Variants in MTHFS observed in about 807,000 individuals in gnomAD.
MTHFS encodes the protein 5-formyltetrahydrofolate cyclo-ligase.
MTHFS carries 7 observed loss-of-function variants against 12.7 expected under a neutral mutation model. The observed-to-expected ratio is 0.55, with a 90% CI of 0.31 to 1.03. MTHFS has a LOEUF of 1.03. MTHFS is among the 50% of genes least tolerant of loss of function. The pLI, the probability that MTHFS is intolerant of heterozygous loss-of-function variation, is 0.05. For synonymous variants in MTHFS, 100 were observed against 97.1 expected, an observed-to-expected ratio of 1.03 and a Z score of -0.18; for missense variants, 252 against 258.1, an observed-to-expected ratio of 0.98 and a Z score of 0.16.
In MTHFS at chr15:79,856,640, G is replaced by A. The variant is rs563610747; in HGVS notation, c.380-11198C>T. On this transcript the variant is annotated intron_variant, in intron 2 of 2. Transcript: ENST00000258874. ...GGGGGAAAGAAGAACTGTTTAATGG[G>A]TATAGATTTTCAGATATGCAATATG... Among the ~76,000 whole-genome samples the A allele has an allele frequency of 5.3e-5, 8 of 152,266 alleles. No individual in the cohort carries two copies. The South Asian group carries it at 1.7e-3, about 32-fold the overall frequency.
intron 2 of MTHFS, among the ~76,000 whole-genome samples, chr15:79,855,979 T>C (rs896331438): frequency 6.6e-6 from 1 of 152,232 alleles, no homozygotes; most frequent in African/African-American, 2.4e-5. Context: ...AATGAACATA[T>C]GTGAGTATGT....
chr15:79,868,820 G>C lies in MTHFS; in HGVS notation c.379+20273C>G, dbSNP rs957125483. On this transcript the variant is annotated intron_variant, in intron 2 of 2. Transcript: ENST00000258874. Reference sequence around the variant, plus strand: ...CAGACAGCAGACTTTGAGACTTCTAGGCCTCCACAATCACATGAGCAAATT... The same window carrying C: ...CAGACAGCAGACTTTGAGACTTCTACGCCTCCACAATCACATGAGCAAATT... Among the ~76,000 whole-genome samples, 15 of 152,292 alleles carry C rather than the reference G, an allele frequency of 9.8e-5. 1 individual carries two copies. The highest frequency in any genetic ancestry group is 1.9e-4 in the African/African-American group (8 of 41,572).
intron 2 of MTHFS, among the ~76,000 whole-genome samples, chr15:79,881,425 T>A (rs1321269207): frequency 6.6e-6 from 1 of 152,148 alleles, no homozygotes; most frequent in Admixed American, 6.5e-5. Context: ...GAGGATATAT[T>A]CTAAAGCCGC....
intron 1 of MTHFS, among the ~76,000 whole-genome samples, chr15:79,896,404 G>A (rs1158394760): frequency 6.6e-6 from 1 of 152,044 alleles, no homozygotes; most frequent in Admixed American, 6.5e-5. Flanking sequence ...TCTTTCTCTG[G>A]CCATTTTACT....
chr15:79,879,926 C>G (rs566456543), intron 2 of MTHFS, among the ~76,000 whole-genome samples: 1 of 152,278 alleles, frequency 6.6e-6, no homozygotes, highest in South Asian at 2.1e-4. Flanking sequence ...CCAAAGAACA[C>G]TTAAATTTTT....
chr15:79,846,540 C>A (rs527893248), intron 2 of MTHFS, among the ~76,000 whole-genome samples: 9 of 152,322 alleles, frequency 5.9e-5, no homozygotes, highest in Non-Finnish European at 1.3e-4. Context: ...ATTCTGACTA[C>A]CTGCAGAACT....
chr15:79,874,567 CT>C (rs1174088919), intron 2 of MTHFS, among the ~76,000 whole-genome samples: 2 of 152,120 alleles, frequency 1.3e-5, no homozygotes, highest in African/African-American at 4.8e-5. Context: ...AGCCCTAGCC[CT>C]AGGACATTTA....
chr15:79,881,350 A>C (rs2034291604), intron 2 of MTHFS, among the ~76,000 whole-genome samples: 1 of 152,216 alleles, frequency 6.6e-6, no homozygotes. Context: ...ATAACCCCTA[A>C]GGAACTGTCT....
intron 2 of MTHFS, among the ~76,000 whole-genome samples, chr15:79,872,103 CAAAAAAAAAAA>C (rs58835744): frequency 3.1e-4 from 21 of 66,772 alleles, no homozygotes; most frequent in African/African-American, 1.3e-3. Context: ...GACTCCGTCT[CAAAAAAAAAAA>C]AAAAAAAAAA....
intron 1 of MTHFS, among the ~76,000 whole-genome samples, chr15:79,893,758 A>G (rs2034517220): frequency 6.6e-6 from 1 of 151,918 alleles, no homozygotes; most frequent in African/African-American, 2.4e-5. Flanking sequence ...ACATAAATAT[A>G]ACAATATAAA....
intron 2 of MTHFS, among the ~76,000 whole-genome samples, chr15:79,882,224 T>C (rs1251813329): frequency 6.6e-6 from 1 of 152,212 alleles, no homozygotes; most frequent in Non-Finnish European, 1.5e-5. Context: ...CCATGTAGGA[T>C]CTTATAACTA....
chr15:79,894,948 T>C (rs1257993774), intron 1 of MTHFS, among the ~76,000 whole-genome samples: 1 of 152,208 alleles, frequency 6.6e-6, no homozygotes, highest in Non-Finnish European at 1.5e-5. Context: ...TCCATATTTT[T>C]TTTCTTTCTT....
intron 2 of MTHFS, among the ~76,000 whole-genome samples, chr15:79,853,254 A>C (rs2033745727): frequency 6.6e-6 from 1 of 152,234 alleles, no homozygotes; most frequent in South Asian, 2.1e-4. Context: ...TATCATGTGC[A>C]TATGGAACCA....
At chr15:79,877,474 G>C (rs1481916028) in intron 2 of MTHFS, 2 of 152,190 alleles carry the variant, frequency 1.3e-5, no homozygotes, top group East Asian at 3.8e-4. Flanking sequence ...GCCACGGCGG[G>C]TGGATCACGA....
At chr15:79,885,461 T>C (rs2034366080) in intron 2 of MTHFS, among the ~76,000 whole-genome samples, 1 of 152,204 alleles carries the variant, frequency 6.6e-6, no homozygotes, top group South Asian at 2.1e-4. Context: ...CCAGTATCCA[T>C]TCCCCCTTGT....
At chr15:79,895,768 T>C (rs1263205568) in intron 1 of MTHFS, among the ~76,000 whole-genome samples, 1 of 152,188 alleles carries the variant, frequency 6.6e-6, no homozygotes, top group Admixed American at 6.5e-5. Flanking sequence ...CACCTTGAAT[T>C]TGAGTAAATA....
At chr15:79,893,936 AC>A (rs912938025) in intron 1 of MTHFS, among the ~76,000 whole-genome samples, 1 of 152,186 alleles carries the variant, frequency 6.6e-6, no homozygotes, top group Non-Finnish European at 1.5e-5. Flanking sequence ...AAGAATAAAT[AC>A]GCTTTTCTAA....
chr15:79,871,032 A>T (rs1401940262), intron 2 of MTHFS, among the ~76,000 whole-genome samples: 2 of 152,192 alleles, frequency 1.3e-5, no homozygotes, highest in East Asian at 3.8e-4. Flanking sequence ...AATCCCAGCT[A>T]CTGGGGAGGC....
At chr15:79,861,011 A>G (rs2033903615) in intron 2 of MTHFS, among the ~76,000 whole-genome samples, 1 of 152,166 alleles carries the variant, frequency 6.6e-6, no homozygotes, top group African/African-American at 2.4e-5. Flanking sequence ...TCCCAATGGG[A>G]TCCTTAGCAC....
Sources: allele counts gnomAD v4.1 joint callset (sites outside exome capture counted in the v4.1 genomes callset), GRCh38; gene constraint gnomAD v4.1.1; transcripts MANE v1.5; gene names NCBI Gene and HGNC (gene_info 2026-07-23, HGNC 2026-07-21).